SLC2A14: variants seen among roughly 807,000 people sequenced by gnomAD.
SLC2A14 encodes the protein solute carrier family 2 member 14, also known as solute carrier family 2, facilitated glucose transporter member 14.
SLC2A14 carries 13 observed loss-of-function variants against 43.0 expected under a neutral mutation model. That is an observed-to-expected ratio of 0.30 (90% CI 0.20 to 0.48). The LOEUF is 0.48. Among genes scored for constraint, SLC2A14 ranks in the 20% least tolerant of loss-of-function variants. The probability of loss-of-function intolerance (pLI) is 0.99; values close to 1 mark genes in which losing one functional copy is unlikely to be tolerated. For missense variants in SLC2A14, 428 were observed against 620.4 expected (o/e 0.69, Z 3.29); for synonymous variants, 190 against 233.8 (o/e 0.81, Z 1.71).
intron 2 of SLC2A14, among the ~76,000 whole-genome samples, chr12:7,836,636 C>T (rs941452546): frequency 1.3e-5 from 2 of 152,050 alleles, no homozygotes; most frequent in Non-Finnish European, 2.9e-5. Flanking sequence ...GAATTCAATA[C>T]CAGCCTGGCC....
intron 6 of SLC2A14, among the ~76,000 whole-genome samples, chr12:7,828,088 G>A (rs1181593344): frequency 6.6e-6 from 1 of 151,976 alleles, no homozygotes; most frequent in African/African-American, 2.4e-5. Flanking sequence ...GATGGGTTGG[G>A]CGCGGTGGCT....
chr12:7,827,831 G>T, intron 6 of SLC2A14, 149 bp from the exon 7 acceptor site: 1 of 1,466,884 alleles, frequency 6.8e-7, no homozygotes, highest in African/African-American at 1.4e-5. Context: ...TTCTTTAGGG[G>T]CTGAAAATTT....
At position 7,817,913 on chromosome 12, in the gene SLC2A14, G is replaced by T; in HGVS notation, c.1193C>A (p.Pro398His). ...FIVAELFSQG[P>H]RPAAMAVAGC... Reference sequence around the variant, plus strand: ...GGCCACTGCCATCGCAGCTGGGCGGGGGCCCTGGCTGAAGAGTTCGGCCAC... The same window carrying T: ...GGCCACTGCCATCGCAGCTGGGCGGTGGCCCTGGCTGAAGAGTTCGGCCAC... The change falls in exon 10 of 11, where the codon CCC becomes CAC. Residue 398 changes from proline to histidine, a missense_variant. Physicochemically the swap from Pro to His is moderately conservative, Grantham distance 77. Around this residue, in one of 4 missense-constraint regions of SLC2A14, gnomAD observed 119 missense variants for 188.7 expected, o/e 0.63. Transcript: ENST00000431042. The T allele has an allele frequency of 6.2e-7, 1 of 1,614,206 alleles. No individual in the cohort carries two copies.
chr12:7,866,117 C>T (rs1944892859), intron 2 of SLC2A14, among the ~76,000 whole-genome samples: 1 of 150,568 alleles, frequency 6.6e-6, no homozygotes, highest in Admixed American at 6.7e-5. Flanking sequence ...CCCAGCTACC[C>T]AGGAGGCTGT....
upstream of SLC2A14, chr12:7,872,922 GA>G: frequency 2.0e-6 from 2 of 985,420 alleles, no homozygotes; most frequent in African/African-American, 1.7e-5. Flanking sequence ...TAACTGCCTC[GA>G]AAAGCCTAGG....
At chr12:7,820,359 G>A (rs886947108) in intron 8 of SLC2A14, among the ~76,000 whole-genome samples, 3 of 152,256 alleles carry the variant, frequency 2.0e-5, no homozygotes, top group South Asian at 2.1e-4. Flanking sequence ...GGATGTCGTG[G>A]GAATCCTGAT....
At chr12:7,874,950 ATATTTATATATAAAT>A (rs1300238728), upstream of SLC2A14, among the ~76,000 whole-genome samples, 2 of 7,214 alleles carry the variant, frequency 2.8e-4, no homozygotes, top group Non-Finnish European at 3.7e-4. Context: ...ATATATAAAT[ATATTTATATATAAAT>A]TATATATAAA....
Sources: allele counts gnomAD v4.1 joint callset (sites outside exome capture counted in the v4.1 genomes callset), GRCh38; gene constraint gnomAD v4.1.1; regional missense constraint gnomAD v4.1.1; transcripts MANE v1.5; gene names NCBI Gene and HGNC (gene_info 2026-07-23, HGNC 2026-07-21).